TMEM45A: variants seen among roughly 807,000 people sequenced by gnomAD.
TMEM45A encodes the protein DNA polymerase-transactivated protein 4.
TMEM45A carries 25 observed loss-of-function variants against 32.0 expected under a neutral mutation model. The ratio of observed to expected loss-of-function variants is 0.78; its 90% CI spans 0.57 to 1.09. TMEM45A has a LOEUF of 1.09. Ranked by LOEUF, TMEM45A falls within the 50% of genes least tolerant of loss-of-function variation. The pLI, the probability that TMEM45A is intolerant of heterozygous loss-of-function variation, is 0.00. For missense variants in TMEM45A, 302 were observed against 325.0 expected (o/e 0.93, Z 0.54); for synonymous variants, 122 against 114.8 (o/e 1.06, Z -0.40).
rs767199210 is a variant in TMEM45A, at chr3:100,555,322, C to T, written c.111C>T (p.Thr37=). Reference sequence around the variant, plus strand: ...ATATCTGCAAAAAGCAAAAGCGAACCTGCTATCTTGGTTCCAAAACATTAT... The same window carrying T: ...ATATCTGCAAAAAGCAAAAGCGAACTTGCTATCTTGGTTCCAAAACATTAT... ...LKYICKKQKR[T]CYLGSKTLFY... Residue 37 remains threonine, a synonymous_variant, in exon 2 of 6, where the codon ACC becomes ACT. Transcript: ENST00000323523. 24 of 1,613,862 alleles carry T rather than the reference C, an allele frequency of 1.5e-5. No homozygotes were observed. Among genetic ancestry groups the T allele is most frequent in the Non-Finnish European group, 2.0e-5 (24 of 1,179,970 alleles).
intron 1 of TMEM45A, among the ~76,000 whole-genome samples, chr3:100,535,323 AGGC>A (rs972296113): frequency 6.6e-6 from 1 of 152,148 alleles, no homozygotes; most frequent in African/African-American, 2.4e-5. Context: ...CATGTTGGCC[AGGC>A]TGGTTTTGAA....
rs181175816 is a variant in TMEM45A, at chr3:100,519,257, T to C, written c.-4+26329T>C. 2.0e-4 allele frequency: 81 copies of C among 411,422 alleles called. 1 individual carries two copies. Among genetic ancestry groups the C allele is most frequent in the African/African-American group, 1.4e-3 (73 of 50,562 alleles). 25.5% of individuals were successfully genotyped at this position (411,422 alleles called of 1,614,324 possible). A position where few individuals can be genotyped will look rare whatever the true frequency, so the allele number is the denominator to read the frequency against. On this transcript the variant is annotated intron_variant, in intron 1 of 5. Coordinates refer to ENST00000323523, the MANE Select transcript of TMEM45A (RefSeq NM_018004.3). ...AGTATCTCCCAGCATTGTTAGCTAC[T>C]GAGTGGCACATCTTCAGTACGCATG... is the stretch of plus-strand genomic sequence containing the variant.
Position 100,549,246 on chromosome 3 carries a change from C to CAA in TMEM45A, c.-3-5955_-3-5954dup, listed in dbSNP as rs138924580. Reference sequence around the variant, plus strand: ...TGGGCAACAGAGTGAGATCCTGTCTCAAAAAAAAACAAAAAAACAAAAAAA... The same window carrying CAA: ...TGGGCAACAGAGTGAGATCCTGTCTCAAAAAAAAAAACAAAAAAACAAAAAAA... On this transcript the variant is annotated intron_variant, in intron 1 of 5. Coordinates refer to ENST00000323523, the MANE Select transcript of TMEM45A (RefSeq NM_018004.3). 9.8e-4 allele frequency among the ~76,000 whole-genome samples: 143 copies of CAA among 146,392 alleles called. 2 individuals are homozygous for CAA. In the Middle Eastern group the frequency reaches 0.014, roughly 14 times the overall value.
chr3:100,564,488 T>C (rs1265985422), intron 4 of TMEM45A, among the ~76,000 whole-genome samples: 3 of 151,660 alleles, frequency 2.0e-5, no homozygotes, highest in Admixed American at 2.0e-4. Context: ...TTTTTTTTTT[T>C]CCTTTGAGAC....
chr3:100,499,465 T>C (rs1487225258), intron 1 of TMEM45A, among the ~76,000 whole-genome samples: 4 of 152,254 alleles, frequency 2.6e-5, no homozygotes, highest in Non-Finnish European at 4.4e-5. Context: ...AATGTTTGTC[T>C]CTATGTAGAT....
chr3:100,575,748 G>A (rs1009017149), intron 5 of TMEM45A, among the ~76,000 whole-genome samples: 2 of 152,178 alleles, frequency 1.3e-5, no homozygotes, highest in African/African-American at 4.8e-5. Flanking sequence ...CATGGCAGAG[G>A]CATCACATGC....
intron 1 of TMEM45A, among the ~76,000 whole-genome samples, chr3:100,516,367 G>T (rs1040829405): frequency 1.4e-4 from 21 of 152,190 alleles, no homozygotes; most frequent in African/African-American, 4.8e-4. Context: ...TTTTGTGGTG[G>T]TAATGAGTAA....
At chr3:100,574,185 CT>C (rs1309275615) in intron 5 of TMEM45A, 4 of 151,986 alleles carry the variant, frequency 2.6e-5, no homozygotes, top group African/African-American at 9.7e-5. Flanking sequence ...TACAAAAAAC[CT>C]TTCAAAAAAT....
intron 1 of TMEM45A, among the ~76,000 whole-genome samples, chr3:100,504,460 A>G (rs1342437583): frequency 6.6e-6 from 1 of 152,160 alleles, no homozygotes; most frequent in Non-Finnish European, 1.5e-5. Context: ...TGCACCACAG[A>G]GTGGCCAGAG....
intron 5 of TMEM45A, chr3:100,573,508 T>C (rs1706614658): frequency 6.6e-6 from 1 of 152,208 alleles, no homozygotes; most frequent in African/African-American, 2.4e-5. Context: ...TGGGCTGAGC[T>C]GATGGGGTTT....
intron 1 of TMEM45A, among the ~76,000 whole-genome samples, chr3:100,508,152 C>A (rs888778770): frequency 1.3e-5 from 2 of 152,014 alleles, no homozygotes; most frequent in Admixed American, 1.3e-4. Context: ...TGGACTACTG[C>A]AATCCTAGCT....
intron 1 of TMEM45A, among the ~76,000 whole-genome samples, chr3:100,510,661 G>GCA (rs1708145444): frequency 3.9e-5 from 6 of 152,238 alleles, no homozygotes; most frequent in South Asian, 2.1e-4. Context: ...GGCTTCAGAT[G>GCA]ATCAAATTAC....
Position 100,555,309 on chromosome 3 carries a change from AG to A in TMEM45A, c.99del (p.Lys33AsnfsTer25). 6.2e-7 allele frequency: 1 copy of A among 1,614,076 alleles called. No homozygotes were observed. Among genetic ancestry groups the A allele is most frequent in the Non-Finnish European group, 8.5e-7 (1 of 1,179,982 alleles). ...AGTATTCTGAAGTATATCTGCAAAAAGCAAAAGCGAACCTGCTATCTTGGTT... is the reference window on the plus strand; with the variant it reads ...AGTATTCTGAAGTATATCTGCAAAAACAAAAGCGAACCTGCTATCTTGGTT... ...TKSILKYICKKQKRTCYLGSK... is the reference protein window; with the variant it reads ...TKSILKYICKXQKRTCYLGSK... On this transcript the variant is annotated frameshift_variant, in exon 2 of 6. Transcript: ENST00000323523. LOFTEE classifies it high-confidence loss of function.
chr3:100,515,050 A>C (rs1425150703), intron 1 of TMEM45A, among the ~76,000 whole-genome samples: 23 of 149,204 alleles, frequency 1.5e-4, no homozygotes, highest in Admixed American at 2.0e-4. Context: ...TAGTTCAACC[A>C]TTGTGGAAGT....
intron 4 of TMEM45A, among the ~76,000 whole-genome samples, chr3:100,565,982 A>G (rs996207842): frequency 6.6e-6 from 1 of 152,088 alleles, no homozygotes; most frequent in Admixed American, 6.5e-5. Flanking sequence ...GTCTCTATGA[A>G]TATTTGTCTA....
chr3:100,569,293 A>G (rs1463559232), intron 5 of TMEM45A, among the ~76,000 whole-genome samples: 1 of 152,158 alleles, frequency 6.6e-6, no homozygotes, highest in Non-Finnish European at 1.5e-5. Context: ...TGCACTGCCT[A>G]TAGTGAGTCC....
intron 1 of TMEM45A, among the ~76,000 whole-genome samples, chr3:100,546,075 T>C (rs992788873): frequency 1.1e-4 from 17 of 152,110 alleles, no homozygotes; most frequent in Non-Finnish European, 2.2e-4. Flanking sequence ...GATGGAACAT[T>C]ACTGGTTTTG....
At position 100,556,801 on chromosome 3, in the gene TMEM45A, A is replaced by T; in HGVS notation, c.232A>T (p.Met78Leu). The part of the protein sequence containing the change: ...EQFIPGGPHL[M>L]LYDYKQGHWN... ...GTTTATTCCTGGAGGGCCCCATCTG[A>T]TGTTATATGACTATAAACAAGGTCA... Residue 78 changes from methionine (M) to leucine (L), a missense_variant, in exon 3 of 6, where the codon ATG becomes TTG. Met to Leu is a conservative substitution (Grantham distance 15). Coordinates refer to ENST00000323523, the MANE Select transcript of TMEM45A (RefSeq NM_018004.3). 6.2e-7 allele frequency: 1 copy of T among 1,614,034 alleles called. No homozygotes were observed. The highest frequency in any genetic ancestry group is 2.2e-5 in the East Asian group (1 of 44,884).
At chr3:100,507,306 G>A (rs1311980448) in intron 1 of TMEM45A, among the ~76,000 whole-genome samples, 1 of 152,202 alleles carries the variant, frequency 6.6e-6, no homozygotes, top group Non-Finnish European at 1.5e-5. Flanking sequence ...ATACAGAAAT[G>A]TGGCTTTTCT....
Sources: gnomAD v4.1 joint callset for allele counts (sites outside exome capture counted in the v4.1 genomes callset) on GRCh38, gnomAD v4.1.1 for gene constraint, MANE v1.5 for transcripts, NCBI Gene and HGNC (gene_info 2026-07-23, HGNC 2026-07-21) for gene names.